The following MAPKAP1 variants were observed in gnomAD, a reference collection of about 807,000 sequenced individuals.
The protein encoded by MAPKAP1 is MAPK associated protein 1, also known as target of rapamycin complex 2 subunit MAPKAP1.
In MAPKAP1, 20 loss-of-function variants were observed where a neutral mutation model predicts 65.7. That is an observed-to-expected ratio of 0.30 (90% CI 0.21 to 0.44). The LOEUF (loss-of-function observed/expected upper bound fraction) is 0.44, where lower values mean the gene tolerates loss of function less well. Among genes scored for constraint, MAPKAP1 ranks in the 20% least tolerant of loss-of-function variants. The pLI, the probability that MAPKAP1 is intolerant of heterozygous loss-of-function variation, is 1.00. For synonymous variants in MAPKAP1, 222 were observed against 244.3 expected, an observed-to-expected ratio of 0.91 and a Z score of 0.85; for missense variants, 423 against 648.0, an observed-to-expected ratio of 0.65 and a Z score of 3.77.
intron 4 of MAPKAP1, among the ~76,000 whole-genome samples, chr9:125,644,721 A>G (rs1371276869): frequency 1.3e-5 from 2 of 152,186 alleles, no homozygotes; most frequent in Non-Finnish European, 2.9e-5. Flanking sequence ...AACTGGTTCT[A>G]TTTTAATTTA....
chr9:125,557,807 C>T (rs1830782245), intron 6 of MAPKAP1, among the ~76,000 whole-genome samples: 1 of 151,948 alleles, frequency 6.6e-6, no homozygotes, highest in South Asian at 2.1e-4. Flanking sequence ...CTGCCTAGAT[C>T]TCTGGCACAT....
intron 5 of MAPKAP1, among the ~76,000 whole-genome samples, chr9:125,577,174 C>G (rs1241356712): frequency 6.6e-6 from 1 of 151,712 alleles, no homozygotes; most frequent in Non-Finnish European, 1.5e-5. Context: ...CCCTGCCGCC[C>G]CGTCCGGGAT....
At chr9:125,581,511 C>T (rs948022717) in intron 5 of MAPKAP1, among the ~76,000 whole-genome samples, 2 of 152,182 alleles carry the variant, frequency 1.3e-5, no homozygotes, top group Admixed American at 1.3e-4. Flanking sequence ...CTGTTTATGC[C>T]TTTACCCATT....
chr9:125,596,784 T>C (rs1832138983), intron 4 of MAPKAP1, among the ~76,000 whole-genome samples: 1 of 152,128 alleles, frequency 6.6e-6, no homozygotes, highest in East Asian at 1.9e-4. Context: ...CTCATGTGTA[T>C]GGGCAAAAAA....
rs747800318 is a variant in MAPKAP1 at position 125,707,194 on chromosome 9, C to T, written c.-293G>A. On this transcript the variant is annotated 5_prime_UTR_variant, in exon 1 of 12. Transcript: ENST00000265960. ...CGGCCGAGCAGCAGCCCTATTACCC[C>T]GAGCCGCACACGACCCGGAACCACA... 5.5e-5 allele frequency: 22 copies of T among 398,070 alleles called. No individual in the cohort carries two copies. Among genetic ancestry groups the T allele is most frequent in the Non-Finnish European group, 9.3e-5 (21 of 225,784 alleles). The allele number at this position is 398,070 out of a possible 1,614,324, so 24.7% of individuals were successfully genotyped here. A position where few individuals can be genotyped will look rare whatever the true frequency, so the allele number is the denominator to read the frequency against.
At chr9:125,481,369 C>T (rs1319443306) in intron 9 of MAPKAP1, among the ~76,000 whole-genome samples, 1 of 152,106 alleles carries the variant, frequency 6.6e-6, no homozygotes, top group Non-Finnish European at 1.5e-5. Context: ...TGATGATGCT[C>T]ACCTGGGCCC....
At chr9:125,457,145 T>C (rs1477796294) in intron 10 of MAPKAP1, among the ~76,000 whole-genome samples, 2 of 152,056 alleles carry the variant, frequency 1.3e-5, no homozygotes, top group South Asian at 2.1e-4. Flanking sequence ...TAAGCCACCA[T>C]GCCTGGCTAA....
chr9:125,596,794 A>T (rs1355178849), intron 4 of MAPKAP1, among the ~76,000 whole-genome samples: 1 of 152,006 alleles, frequency 6.6e-6, no homozygotes, highest in Non-Finnish European at 1.5e-5. Flanking sequence ...TGGGCAAAAA[A>T]CTCGAGGACT....
In MAPKAP1 at chr9:125,554,794, CAAAAAAAAAAAAA is replaced by C. The variant is rs56911891; in HGVS notation, c.848+4826_848+4838del. Among the ~76,000 whole-genome samples the C allele has an allele frequency of 1.2e-4, 8 of 65,630 alleles. No homozygotes were observed. In the East Asian group the frequency reaches 3.9e-3, roughly 32 times the overall value. The allele number at this position is 65,630 out of a possible 152,430, so 43.1% of individuals were successfully genotyped here. A position where few individuals can be genotyped will look rare whatever the true frequency, so the allele number is the denominator to read the frequency against. On this transcript the variant is annotated intron_variant, in intron 6 of 11. Transcript: ENST00000265960. ...CTAGGCCACACAGCAAGACACTTAT[CAAAAAAAAAAAAA>C]AAAAAAAAAAGCATTTTCTAGTAAA...
At chr9:125,495,398 T>TA (rs1469426468) in intron 8 of MAPKAP1, among the ~76,000 whole-genome samples, 1 of 152,186 alleles carries the variant, frequency 6.6e-6, no homozygotes, top group East Asian at 1.9e-4. Context: ...TGCCCTCACT[T>TA]AGAGCCCAGA....
intron 4 of MAPKAP1, among the ~76,000 whole-genome samples, chr9:125,611,631 T>C (rs973314135): frequency 4.6e-5 from 7 of 152,150 alleles, no homozygotes; most frequent in Non-Finnish European, 8.8e-5. Flanking sequence ...TCTTAAAACA[T>C]CAAAATGAAA....
In MAPKAP1 at chr9:125,468,634, C is replaced by T. The variant is rs1255003724; in HGVS notation, c.1208-525G>A. On this transcript the variant is annotated intron_variant, in intron 9 of 11. Transcript: ENST00000265960. ...CACTAAAAAGAATAAAATAACTCTT[C>T]CTTTCTGTGACACTAAATAATTATC... Among the ~76,000 whole-genome samples the T allele has an allele frequency of 2.0e-5, 3 of 152,214 alleles. 1 individual carries two copies. Among genetic ancestry groups the T allele is most frequent in the South Asian group, 4.1e-4 (2 of 4,836 alleles).
At chr9:125,456,200 A>G (rs2132955251) in intron 10 of MAPKAP1, among the ~76,000 whole-genome samples, 1 of 152,254 alleles carries the variant, frequency 6.6e-6, no homozygotes, top group Non-Finnish European at 1.5e-5. Context: ...CAGCAGTTTG[A>G]TTATAATGTG....
Position 125,595,805 on chromosome 9 carries a change from A to G in MAPKAP1, c.499-10078T>C. The G allele has an allele frequency of 8.7e-7, 1 of 1,146,148 alleles. No individual in the cohort carries two copies. Among genetic ancestry groups the G allele is most frequent in the South Asian group, 1.2e-5 (1 of 81,434 alleles). 71.0% of individuals were successfully genotyped at this position (1,146,148 alleles called of 1,614,324 possible). A position where few individuals can be genotyped will look rare whatever the true frequency, so the allele number is the denominator to read the frequency against. On this transcript the variant is annotated intron_variant, in intron 4 of 11. Coordinates refer to ENST00000265960, the MANE Select transcript of MAPKAP1 (RefSeq NM_001006617.3). The surrounding 1 kb of genome is among the most constrained non-coding windows in gnomAD (Gnocchi z 4.0). Reference sequence around the variant, plus strand: ...AACGCTCCCAGACTGTGTGGTAATGAAAGATTCCAACACCAAGCGTTCCGG... The same window carrying G: ...AACGCTCCCAGACTGTGTGGTAATGGAAGATTCCAACACCAAGCGTTCCGG...
At chr9:125,544,860 G>C (rs1393988956) in intron 6 of MAPKAP1, among the ~76,000 whole-genome samples, 2 of 152,302 alleles carry the variant, frequency 1.3e-5, no homozygotes, top group African/African-American at 4.8e-5. Flanking sequence ...TTAAGCCTAG[G>C]TTGGACCCAA....
intron 5 of MAPKAP1, among the ~76,000 whole-genome samples, chr9:125,561,731 A>T (rs1830899096): frequency 6.6e-6 from 1 of 152,220 alleles, no homozygotes. Context: ...TTCTATAAAA[A>T]GGGTATAATC....
Position 125,646,640 on chromosome 9 carries a change from A to G in MAPKAP1, c.498+11011T>C, listed in dbSNP as rs900872096. Among the ~76,000 whole-genome samples, 9 of 152,246 alleles carry G rather than the reference A, an allele frequency of 5.9e-5. 1 individual carries two copies. Among genetic ancestry groups the G allele is most frequent in the Admixed American group, 2.0e-4 (3 of 15,292 alleles). ...TAAAACAATAACATCATTTAAAAAG[A>G]CTTGTTTTAAAGCTAGAAACCTAAT... On this transcript the variant is annotated intron_variant, in intron 4 of 11. Transcript: ENST00000265960.
At chr9:125,697,446 TA>T (rs1835419383) in intron 1 of MAPKAP1, among the ~76,000 whole-genome samples, 1 of 152,228 alleles carries the variant, frequency 6.6e-6, no homozygotes. Flanking sequence ...ATGTTTGACA[TA>T]ATTGGGACCA....
At chr9:125,591,433 T>C (rs1468714866) in intron 4 of MAPKAP1, among the ~76,000 whole-genome samples, 23 of 152,220 alleles carry the variant, frequency 1.5e-4, no homozygotes, top group Non-Finnish European at 1.5e-5. Flanking sequence ...GATAGTTATA[T>C]GGTACTCATA....
Sources: gnomAD v4.1 joint callset for allele counts (sites outside exome capture counted in the v4.1 genomes callset) on GRCh38, gnomAD v4.1.1 for gene constraint, Gnocchi (gnomAD v3.1) non-coding constraint, MANE v1.5 for transcripts, NCBI Gene and HGNC (gene_info 2026-07-23, HGNC 2026-07-21) for gene names.